Variants in BANP observed in about 807,000 individuals in gnomAD.
BANP encodes the protein protein BANP.
BANP carries 11 observed loss-of-function variants against 68.1 expected under a neutral mutation model. That is an observed-to-expected ratio of 0.16 (90% confidence interval 0.10 to 0.27). The LOEUF (loss-of-function observed/expected upper bound fraction) is 0.27. BANP is among the 10% of genes least tolerant of loss of function. The probability of loss-of-function intolerance (pLI) is 1.00; values close to 1 mark genes in which losing one functional copy is unlikely to be tolerated. For synonymous variants in BANP, 329 were observed against 303.2 expected (o/e 1.09, Z -0.88); for missense variants, 504 against 722.7 (o/e 0.70, Z 3.47).
At chr16:88,059,174 C>T (rs995446452) in intron 11 of BANP, among the ~76,000 whole-genome samples, 6 of 143,214 alleles carry the variant, frequency 4.2e-5, no homozygotes, top group African/African-American at 5.1e-5. Flanking sequence ...GGTCCATGCT[C>T]CTGCTGGTGG....
At chr16:88,069,953 C>T (rs754481816) in intron 12 of BANP, among the ~76,000 whole-genome samples, 14 of 152,144 alleles carry the variant, frequency 9.2e-5, no homozygotes, top group Non-Finnish European at 1.5e-4. Flanking sequence ...CTCTCCTGTT[C>T]CTCCTCTTCC....
intron 1 of BANP, among the ~76,000 whole-genome samples, chr16:87,962,849 A>C (rs7498885): frequency 0.68 from 102,780 of 152,058 alleles, 35,499 homozygotes; most frequent in African/African-American, 0.8. Context: ...GTTCCACTTC[A>C]GACTGATTTC....
intron 11 of BANP, among the ~76,000 whole-genome samples, chr16:88,038,940 A>G (rs1233833428): frequency 2.6e-5 from 4 of 152,246 alleles, no homozygotes; most frequent in Non-Finnish European, 4.4e-5. Context: ...ACCACAGTGC[A>G]CTGTCCTTCG....
chr16:87,967,457 T>G (rs989017929), intron 1 of BANP, among the ~76,000 whole-genome samples: 2 of 151,614 alleles, frequency 1.3e-5, no homozygotes, highest in African/African-American at 2.4e-5. Flanking sequence ...TGTTTTTTGG[T>G]TTTTGATTTG....
intron 11 of BANP, among the ~76,000 whole-genome samples, chr16:88,046,035 G>A (rs891364519): frequency 1.4e-4 from 21 of 152,206 alleles, no homozygotes; most frequent in Admixed American, 7.2e-4. Flanking sequence ...AGGGAGGGGC[G>A]GTGCACATCC....
At chr16:88,014,852 A>G (rs1567754408) in intron 6 of BANP, among the ~76,000 whole-genome samples, 2 of 151,884 alleles carry the variant, frequency 1.3e-5, no homozygotes, top group Non-Finnish European at 2.9e-5. Context: ...GACCACCCTC[A>G]TGTACCCAGA....
intron 11 of BANP, among the ~76,000 whole-genome samples, chr16:88,058,263 C>G (rs933879787): frequency 2.0e-5 from 3 of 152,148 alleles, no homozygotes; most frequent in African/African-American, 7.2e-5. Flanking sequence ...GAACAAAGAT[C>G]CCTTTCTTCC....
At chr16:88,063,622 A>G (rs928712449) in intron 11 of BANP, among the ~76,000 whole-genome samples, 3 of 152,180 alleles carry the variant, frequency 2.0e-5, no homozygotes, top group Admixed American at 6.5e-5. Flanking sequence ...GACGAGTTTC[A>G]GATCCGATCA....
chr16:88,030,162 T>C (rs2077843902), intron 8 of BANP, among the ~76,000 whole-genome samples: 1 of 152,146 alleles, frequency 6.6e-6, no homozygotes, highest in South Asian at 2.1e-4. Flanking sequence ...CAACAAAACC[T>C]AGACACCCAA....
At chr16:88,001,936 A>C (rs13380708) in intron 4 of BANP, among the ~76,000 whole-genome samples, 43,633 of 151,840 alleles carry the variant, frequency 0.29, 7,390 homozygotes, top group East Asian at 0.47. Flanking sequence ...AAAAACAAAA[A>C]AAAAAAAACC....
chr16:87,966,979 C>T (rs1198419580), intron 1 of BANP: 1 of 152,374 alleles, frequency 6.6e-6, no homozygotes, highest in Non-Finnish European at 1.5e-5. Flanking sequence ...CCTTCTGCCT[C>T]CTTCCACGCC....
At chr16:87,974,641 G>C (rs1401203180) in intron 1 of BANP, among the ~76,000 whole-genome samples, 1 of 152,142 alleles carries the variant, frequency 6.6e-6, no homozygotes, top group Non-Finnish European at 1.5e-5. Context: ...CTTCTTTCTG[G>C]GGTGTGGTGA....
At chr16:87,967,736 C>T (rs867995508) in intron 1 of BANP, among the ~76,000 whole-genome samples, 3 of 151,908 alleles carry the variant, frequency 2.0e-5, no homozygotes, top group Non-Finnish European at 4.4e-5. Context: ...ATTCTGCTGC[C>T]TCAGCCTCCC....
intron 1 of BANP, among the ~76,000 whole-genome samples, chr16:87,958,277 A>G (rs971762794): frequency 8.5e-5 from 13 of 152,218 alleles, no homozygotes; most frequent in Non-Finnish European, 8.8e-5. Flanking sequence ...ACCCACATCA[A>G]TTGAGTGGGC....
intron 10 of BANP, among the ~76,000 whole-genome samples, chr16:88,035,843 G>A (rs2079213263): frequency 6.6e-6 from 1 of 152,232 alleles, no homozygotes; most frequent in African/African-American, 2.4e-5. Context: ...ATGGGATGGT[G>A]GGGAATCCCA....
At chr16:87,985,277 G>A (rs1183451998) in intron 4 of BANP, among the ~76,000 whole-genome samples, 1 of 152,212 alleles carries the variant, frequency 6.6e-6, no homozygotes, top group Non-Finnish European at 1.5e-5. Context: ...CTACCCGGCC[G>A]TCTTCCGAGC....
At chr16:87,973,399 TTACTC>T (rs535595221) in intron 1 of BANP, among the ~76,000 whole-genome samples, 3 of 152,306 alleles carry the variant, frequency 2.0e-5, no homozygotes, top group South Asian at 4.1e-4. Context: ...AATATTGCCT[TTACTC>T]TATAAAGGAA....
chr16:87,950,032 C>A (rs1314724704), upstream of BANP, among the ~76,000 whole-genome samples: 7 of 152,080 alleles, frequency 4.6e-5, no homozygotes, highest in Non-Finnish European at 1.5e-5. Flanking sequence ...CGCCTGCCAC[C>A]GCGCCGGGCT....
intron 6 of BANP, among the ~76,000 whole-genome samples, chr16:88,008,175 G>A (rs2071826494): frequency 1.3e-5 from 2 of 152,280 alleles, no homozygotes; most frequent in South Asian, 2.1e-4. Flanking sequence ...TCATGGCTGC[G>A]TGATGTGCCG....
Sources: allele counts gnomAD v4.1 joint callset (sites outside exome capture counted in the v4.1 genomes callset), GRCh38; gene constraint gnomAD v4.1.1; transcripts MANE v1.5; gene names NCBI Gene and HGNC (gene_info 2026-07-23, HGNC 2026-07-21).